The following CAPN8 variants were observed in gnomAD, a reference collection of about 807,000 sequenced individuals.
CAPN8 encodes the protein calpain-8.
Under a neutral mutation model 80.9 loss-of-function variants are expected in CAPN8, and 87 were observed. That is an observed-to-expected ratio of 1.07 (90% CI 0.90 to 1.28). The LOEUF (loss-of-function observed/expected upper bound fraction) is 1.28, where lower values mean the gene tolerates loss of function less well. Ranked by LOEUF, CAPN8 falls within the 50% of genes most tolerant of loss-of-function variation. The pLI is 0.00. For missense variants in CAPN8, 757 were observed against 702.0 expected, an observed-to-expected ratio of 1.08 and a Z score of -0.89; for synonymous variants, 299 against 273.8, an observed-to-expected ratio of 1.09 and a Z score of -0.91.
chr1:223,650,363 A>C (rs1324499201), intron 2 of CAPN8, among the ~76,000 whole-genome samples: 1 of 152,146 alleles, frequency 6.6e-6, no homozygotes, highest in Non-Finnish European at 1.5e-5. Context: ...TCCCAGTCAC[A>C]AGAGGCTCCC....
Position 223,654,842 on chromosome 1 carries a change from ATTTT to A in CAPN8, c.238-447_238-444del, listed in dbSNP as rs35365292. 2.2e-3 allele frequency among the ~76,000 whole-genome samples: 248 copies of A among 111,712 alleles called. 1 individual carries two copies. Among genetic ancestry groups the A allele is most frequent in the African/African-American group, 8.4e-3 (238 of 28,234 alleles). The allele number at this position is 111,712 out of a possible 152,430, so 73.3% of individuals were successfully genotyped here. On this transcript the variant is annotated intron_variant, in intron 1 of 20. Transcript: ENST00000366872. The stretch of plus-strand genomic sequence containing the variant: ...AGGCACGTGCCACCACACCCGGCTA[ATTTT>A]TTTTTTTTTTTTTTTTTGTATTTTT...
At chr1:223,627,414 G>T (rs1657622672) in intron 4 of CAPN8, among the ~76,000 whole-genome samples, 2 of 152,340 alleles carry the variant, frequency 1.3e-5, no homozygotes, top group Admixed American at 1.3e-4. Flanking sequence ...CCCCTCCAGA[G>T]TTGGCCCCAG....
Position 223,649,560 on chromosome 1 carries a change from A to T in CAPN8, c.307+4770T>A, listed in dbSNP as rs571539732. Among the ~76,000 whole-genome samples the T allele has an allele frequency of 3.9e-5, 6 of 152,352 alleles. No individual in the cohort carries two copies. The South Asian group carries it at 1.0e-3, about 26-fold the overall frequency. On this transcript the variant is annotated intron_variant, in intron 2 of 20. Transcript: ENST00000366872. ...CAGTGTCGGCAAGCTGGGGACAGAC[A>T]TGCAGACAAGCTGGTTTGCATGAAA...
rs1420055306 is a variant in CAPN8 at position 223,619,451 on chromosome 1, A to T, written c.977T>A (p.Met326Lys). The T allele has an allele frequency of 1.9e-5, 29 of 1,551,442 alleles. No homozygotes were observed. The East Asian group carries it at 6.8e-4, about 37-fold the overall frequency. ...CTGCCTCACGAAATCTGAAAGTGAC[A>T]TCCTGGGGCAGAGGCACCAGAGGGC... Reference protein sequence around the residue: ...DKKVEDGEFWMSLSDFVRQFS... With the variant: ...DKKVEDGEFWKSLSDFVRQFS... Residue 326 changes from methionine to lysine, a missense_variant and splice_region_variant, in exon 9 of 21, where the codon ATG becomes AAG. Physicochemically the swap from Met to Lys is moderately conservative, Grantham distance 95 (BLOSUM62 -1). Coordinates refer to ENST00000366872, the MANE Select transcript of CAPN8 (RefSeq NM_001143962.2).
In CAPN8 at chr1:223,543,251, TC is replaced by T. The variant is rs1307002157; in HGVS notation, c.2030-86del. The T allele has an allele frequency of 6.2e-6, 9 of 1,458,894 alleles. No individual in the cohort carries two copies. The East Asian group carries it at 2.0e-4, about 32-fold the overall frequency. The allele number at this position is 1,458,894 out of a possible 1,614,324, so 90.4% of individuals were successfully genotyped here. A position where few individuals can be genotyped will look rare whatever the true frequency, so the allele number is the denominator to read the frequency against. On this transcript the variant is annotated intron_variant, in intron 19 of 20. Coordinates refer to ENST00000366872, the MANE Select transcript of CAPN8 (RefSeq NM_001143962.2). ...CAGAGAGCTGCCTCTGTCTACCCCA[TC>T]CCCACCTGCGGAACTCTCCTTTCCC...
intron 1 of CAPN8, among the ~76,000 whole-genome samples, chr1:223,664,239 C>T (rs909385319): frequency 2.6e-5 from 4 of 152,152 alleles, no homozygotes; most frequent in Non-Finnish European, 5.9e-5. Flanking sequence ...CCACAGAGCC[C>T]CAGCTCCCAC....
At chr1:223,620,336 G>T in intron 7 of CAPN8, 70 bp from the exon 8 acceptor site, 3 of 1,344,166 alleles carry the variant, frequency 2.2e-6, no homozygotes, top group South Asian at 1.3e-5. Context: ...GTTTACTGCA[G>T]CTAAGCTTCC....
intron 9 of CAPN8, among the ~76,000 whole-genome samples, chr1:223,616,411 T>C (rs541693775): frequency 6.6e-6 from 1 of 152,330 alleles, no homozygotes; most frequent in Admixed American, 6.5e-5. Context: ...CCAGAAGTGC[T>C]TGACTGGGAA....
chr1:223,652,131 TA>T (rs141732780), intron 2 of CAPN8, among the ~76,000 whole-genome samples: 1 of 152,070 alleles, frequency 6.6e-6, no homozygotes, highest in Admixed American at 6.5e-5. Context: ...TCAACTGTTT[TA>T]AAAAAATCCC....
At chr1:223,634,857 GACAGAT>G (rs1331265963) in intron 2 of CAPN8, among the ~76,000 whole-genome samples, 3 of 152,180 alleles carry the variant, frequency 2.0e-5, no homozygotes, top group Non-Finnish European at 4.4e-5. Flanking sequence ...CGGGAGCGGG[GACAGAT>G]ACAAACATTC....
At chr1:223,631,718 G>A (rs753869850) in intron 2 of CAPN8, among the ~76,000 whole-genome samples, 9 of 152,186 alleles carry the variant, frequency 5.9e-5, no homozygotes, top group Admixed American at 5.9e-4. Context: ...GTGGGGAAGT[G>A]GCATTCAACA....
chr1:223,647,710 C>T (rs1449369607), intron 2 of CAPN8, among the ~76,000 whole-genome samples: 1 of 152,084 alleles, frequency 6.6e-6, no homozygotes, highest in East Asian at 1.9e-4. Context: ...GGAAGGACCC[C>T]TTTGGCAAAT....
chr1:223,634,537 G>A (rs116292094), intron 2 of CAPN8, among the ~76,000 whole-genome samples: 239 of 152,258 alleles, frequency 1.6e-3, no homozygotes, highest in African/African-American at 5.3e-3. Context: ...TAGTCCATTC[G>A]TGCTGCTATA....
chr1:223,612,156 C>T (rs1657044646), intron 11 of CAPN8, 90 bp downstream of exon 11: 1 of 1,120,160 alleles, frequency 8.9e-7, no homozygotes, highest in South Asian at 4.6e-5. Flanking sequence ...CAGCTTCTAC[C>T]ACAGGAAACA....
intron 18 of CAPN8, 143 bp downstream of exon 18, chr1:223,544,629 A>G: frequency 8.9e-7 from 1 of 1,124,224 alleles, no homozygotes; most frequent in Non-Finnish European, 1.2e-6. Flanking sequence ...CAGGGAAGGT[A>G]CTCAACAAAG....
Position 223,546,390 on chromosome 1 carries a change from C to G in CAPN8, c.1765-1091G>C, listed in dbSNP as rs141804476. ...CAGCCTGGGCAACATAATAAGACCC[C>G]ATCTCTGAATAAATAATTAGAATTC... On this transcript the variant is annotated intron_variant, in intron 16 of 20. Coordinates refer to ENST00000366872, the MANE Select transcript of CAPN8 (RefSeq NM_001143962.2). Among the ~76,000 whole-genome samples, 967 of 152,230 alleles carry G rather than the reference C, an allele frequency of 6.4e-3. 13 individuals are homozygous for G. The highest frequency in any genetic ancestry group is 0.02 in the African/African-American group (851 of 41,544).
At chr1:223,627,206 G>A in intron 4 of CAPN8, 49 bp from the exon 5 acceptor site, 1 of 1,539,866 alleles carries the variant, frequency 6.5e-7, no homozygotes, top group South Asian at 1.2e-5. Flanking sequence ...TCAGCAAGGA[G>A]ACCCGGGGAT....
chr1:223,549,606 A>G (rs1308591037), intron 15 of CAPN8: 3 of 701,800 alleles, frequency 4.3e-6, no homozygotes, highest in South Asian at 3.1e-5. Context: ...CAAGTACAGC[A>G]TCTGAACCTT....
intron 2 of CAPN8, among the ~76,000 whole-genome samples, chr1:223,650,864 T>A (rs181081490): frequency 6.6e-6 from 1 of 152,052 alleles, no homozygotes. Context: ...TTGGACAAAG[T>A]CTATTTCAGT....
Sources: gnomAD v4.1 joint callset for allele counts (sites outside exome capture counted in the v4.1 genomes callset) on GRCh38, gnomAD v4.1.1 for gene constraint, MANE v1.5 for transcripts, NCBI Gene and HGNC (gene_info 2026-07-23, HGNC 2026-07-21) for gene names.